Variants in CACNA2D2 observed in about 807,000 individuals in gnomAD.
The protein encoded by CACNA2D2 is voltage-dependent calcium channel subunit alpha-2/delta-2.
CACNA2D2 carries 48 observed loss-of-function variants against 166.4 expected under a neutral mutation model. The observed-to-expected ratio is 0.29, with a 90% CI of 0.23 to 0.37. The LOEUF is 0.37. CACNA2D2 is among the 10% of genes least tolerant of loss of function. The pLI, the probability that CACNA2D2 is intolerant of heterozygous loss-of-function variation, is 1.00. For synonymous variants in CACNA2D2, 561 were observed against 573.7 expected, an observed-to-expected ratio of 0.98 and a Z score of 0.32; for missense variants, 1,122 against 1,433.0, an observed-to-expected ratio of 0.78 and a Z score of 3.50.
At chr3:50,446,602 A>G (rs1159215999) in intron 2 of CACNA2D2, among the ~76,000 whole-genome samples, 1 of 152,190 alleles carries the variant, frequency 6.6e-6, no homozygotes, top group Non-Finnish European at 1.5e-5. Flanking sequence ...GGGCTATGAA[A>G]GTCAGCGGGG....
Position 50,364,631 on chromosome 3 carries a change from TGAGGTGGGAGTG to T in CACNA2D2, c.*23_*34del. 6.9e-7 allele frequency: 1 copy of T among 1,459,720 alleles called. No homozygotes were observed. Among genetic ancestry groups the T allele is most frequent in the Non-Finnish European group, 9.0e-7 (1 of 1,106,366 alleles). 90.4% of individuals were successfully genotyped at this position (1,459,720 alleles called of 1,614,324 possible). On this transcript the variant is annotated 3_prime_UTR_variant, in exon 38 of 38. Transcript: ENST00000424201. The stretch of plus-strand genomic sequence containing the variant: ...GGGTGGGAAAGGCGAAGAGGCCGGG[TGAGGTGGGAGTG>T]GAGGTGGGGTGGGGCAGGGTGCTCA...
At chr3:50,421,342 G>A (rs1173100291) in intron 3 of CACNA2D2, among the ~76,000 whole-genome samples, 3 of 152,176 alleles carry the variant, frequency 2.0e-5, no homozygotes, top group African/African-American at 7.2e-5. Context: ...GGGTGGCAGG[G>A]AAAGGTCAGG....
Position 50,365,746 on chromosome 3 carries a change from C to T in CACNA2D2, c.2916-58G>A. 3 of 1,608,524 alleles carry T rather than the reference C, an allele frequency of 1.9e-6. No homozygotes were observed. The South Asian group carries it at 3.3e-5, about 18-fold the overall frequency. On this transcript the variant is annotated intron_variant, in intron 33 of 37. Transcript: ENST00000424201. The surrounding 1 kb of genome is among the most constrained non-coding windows in gnomAD (Gnocchi z 4.5). ...CAGCAGAGGACGATGCCATGCCCTA[C>T]TTCTCTTCTGAGCCCTCCCGGCCAG...
rs145451400 is a variant in CACNA2D2, at chr3:50,406,264, T to C, written c.406-12096A>G. On this transcript the variant is annotated intron_variant, in intron 3 of 37. Coordinates refer to ENST00000424201, the MANE Select transcript of CACNA2D2 (RefSeq NM_006030.4). ...GCCCCACTGGCCGCAGGCTGGCTCATTGTCTTTTCTGTCAATTTGCATCTC... is the reference window on the plus strand; with the variant it reads ...GCCCCACTGGCCGCAGGCTGGCTCACTGTCTTTTCTGTCAATTTGCATCTC... 1.2e-3 allele frequency among the ~76,000 whole-genome samples: 188 copies of C among 151,960 alleles called. 1 individual carries two copies. The highest frequency in any genetic ancestry group is 4.2e-3 in the African/African-American group (174 of 41,562).
chr3:50,413,468 C>A (rs956660055), intron 3 of CACNA2D2, among the ~76,000 whole-genome samples: 6 of 152,140 alleles, frequency 3.9e-5, no homozygotes, highest in African/African-American at 1.4e-4. Flanking sequence ...CAGGAGGCCT[C>A]TGGACCAAGC....
intron 1 of CACNA2D2, among the ~76,000 whole-genome samples, chr3:50,499,620 C>T (rs1359920540): frequency 6.6e-6 from 1 of 152,200 alleles, no homozygotes; most frequent in Non-Finnish European, 1.5e-5. Context: ...ATCTGAGATG[C>T]CAGGAGCTGG....
chr3:50,498,570 TG>T (rs1246969055), intron 1 of CACNA2D2, among the ~76,000 whole-genome samples: 3 of 152,160 alleles, frequency 2.0e-5, no homozygotes, highest in Non-Finnish European at 4.4e-5. Flanking sequence ...AGCTCTGGGC[TG>T]GGGGTGCTCC....
intron 2 of CACNA2D2, among the ~76,000 whole-genome samples, chr3:50,475,534 T>C (rs1440620526): frequency 6.6e-6 from 1 of 152,208 alleles, no homozygotes; most frequent in Non-Finnish European, 1.5e-5. Flanking sequence ...CAGCACATTT[T>C]GCAGCTTCCG....
chr3:50,414,247 C>T (rs757185601), intron 3 of CACNA2D2, among the ~76,000 whole-genome samples: 12 of 152,136 alleles, frequency 7.9e-5, no homozygotes, highest in South Asian at 2.1e-4. Flanking sequence ...GTTAGAGAGC[C>T]ACCGAGCCAC....
intron 2 of CACNA2D2, among the ~76,000 whole-genome samples, chr3:50,470,732 C>T (rs992186212): frequency 1.4e-4 from 22 of 151,938 alleles, no homozygotes; most frequent in African/African-American, 5.1e-4. Context: ...GAAGAGGCTG[C>T]CCCCAGGTCT....
At chr3:50,457,456 G>C (rs1709410683) in intron 2 of CACNA2D2, among the ~76,000 whole-genome samples, 1 of 152,120 alleles carries the variant, frequency 6.6e-6, no homozygotes, top group African/African-American at 2.4e-5. Context: ...TTCAAAAACT[G>C]TCTAGAAGGT....
At chr3:50,385,392 C>T (rs926261379) in intron 5 of CACNA2D2, among the ~76,000 whole-genome samples, 17 of 152,166 alleles carry the variant, frequency 1.1e-4, no homozygotes, top group African/African-American at 3.6e-4. Context: ...CCAGGCTTAG[C>T]TCATTCATTC....
At chr3:50,426,920 C>A (rs1208508348) in intron 3 of CACNA2D2, among the ~76,000 whole-genome samples, 1 of 152,194 alleles carries the variant, frequency 6.6e-6, no homozygotes, top group Non-Finnish European at 1.5e-5. Flanking sequence ...CCATGTCCCA[C>A]CTGCACTGTC....
At chr3:50,476,237 T>G in intron 1 of CACNA2D2, 38 bp from the exon 2 acceptor site, 4 of 1,513,474 alleles carry the variant, frequency 2.6e-6, no homozygotes, top group Non-Finnish European at 2.7e-6. Flanking sequence ...CAGGAGGGCC[T>G]GCCCAGAGCT....
At chr3:50,429,102 C>T (rs1159526922) in intron 3 of CACNA2D2, among the ~76,000 whole-genome samples, 2 of 152,144 alleles carry the variant, frequency 1.3e-5, no homozygotes, top group African/African-American at 4.8e-5. Context: ...TGGTGACACA[C>T]ACCTGTAATC....
At chr3:50,391,915 T>G (rs1049463616) in intron 4 of CACNA2D2, among the ~76,000 whole-genome samples, 2 of 152,146 alleles carry the variant, frequency 1.3e-5, no homozygotes, top group African/African-American at 4.8e-5. Flanking sequence ...CTGTCACTGC[T>G]GTGGGCTGTG....
chr3:50,433,766 C>T (rs1368778238), intron 3 of CACNA2D2, among the ~76,000 whole-genome samples: 1 of 152,174 alleles, frequency 6.6e-6, no homozygotes, highest in Non-Finnish European at 1.5e-5. Context: ...TGGTCTGAGG[C>T]TGACAGGCAC....
At chr3:50,399,247 G>A (rs537517214) in intron 3 of CACNA2D2, among the ~76,000 whole-genome samples, 51 of 152,336 alleles carry the variant, frequency 3.3e-4, no homozygotes, top group African/African-American at 1.2e-3. Flanking sequence ...CCCAGTGCTG[G>A]TGGCCCAGAA....
At chr3:50,443,182 G>A (rs529330936) in intron 2 of CACNA2D2, among the ~76,000 whole-genome samples, 9 of 152,324 alleles carry the variant, frequency 5.9e-5, no homozygotes, top group Admixed American at 2.0e-4. Context: ...CACAGAAGTC[G>A]CCGGGTGCGG....
Sources: gnomAD v4.1 joint callset for allele counts (sites outside exome capture counted in the v4.1 genomes callset) on GRCh38, gnomAD v4.1.1 for gene constraint, Gnocchi (gnomAD v3.1) non-coding constraint, MANE v1.5 for transcripts, NCBI Gene and HGNC (gene_info 2026-07-23, HGNC 2026-07-21) for gene names.